The following AGBL1 variants were observed in gnomAD, a reference collection of about 807,000 sequenced individuals.
The protein encoded by AGBL1 is AGBL carboxypeptidase 1, also known as cytosolic carboxypeptidase 4.
A neutral mutation model predicts 118.9 loss-of-function variants in AGBL1; 130 were observed. That is an observed-to-expected ratio of 1.09 (90% CI 0.95 to 1.26). The LOEUF (loss-of-function observed/expected upper bound fraction) is 1.26, where lower values mean the gene tolerates loss of function less well. AGBL1 is among the 50% of genes most tolerant of loss of function. The pLI, the probability that AGBL1 is intolerant of heterozygous loss-of-function variation, is 0.00. For synonymous variants in AGBL1, 555 were observed against 478.9 expected, an observed-to-expected ratio of 1.16 and a Z score of -2.08; for missense variants, 1,584 against 1,298.1, an observed-to-expected ratio of 1.22 and a Z score of -3.38.
intron 6 of AGBL1, among the ~76,000 whole-genome samples, chr15:86,233,126 C>G (rs2078483261): frequency 6.6e-6 from 1 of 152,178 alleles, no homozygotes; most frequent in Non-Finnish European, 1.5e-5. Flanking sequence ...AAAATTTGAA[C>G]TCAGTTGTGA....
Position 86,908,587 on chromosome 15 carries a change from C to T in AGBL1, c.*1293C>T, listed in dbSNP as rs1445782764. On this transcript the variant is annotated 3_prime_UTR_variant, in exon 23 of 23. Coordinates refer to ENST00000614907, the MANE Select transcript of AGBL1 (RefSeq NM_001386094.1). ...ACATGGTAGGAAATAGGCCCTCTTA[C>T]TGGAAGGGAGCTGGGAAGGAGATTA... 1.3e-5 allele frequency: 2 copies of T among 152,128 alleles called. No homozygotes were observed. Among genetic ancestry groups the T allele is most frequent in the African/African-American group, 2.4e-5 (1 of 41,402 alleles). 9.4% of individuals were successfully genotyped at this position (152,128 alleles called of 1,614,324 possible).
intron 17 of AGBL1, among the ~76,000 whole-genome samples, chr15:86,325,158 A>G (rs529998312): frequency 6.6e-6 from 1 of 152,316 alleles, no homozygotes; most frequent in East Asian, 1.9e-4. Flanking sequence ...CTAGAAGACT[A>G]GAGAGAGAGG....
rs962482340 is a variant in AGBL1, at chr15:86,733,239, G to T, written c.3158+58803G>T. ...AGCCTGAGAACTGGGGATAAGGGGT[G>T]GGGGTAGAGCTTGCTCCTGCACAGA... On this transcript the variant is annotated intron_variant, in intron 22 of 22. Transcript: ENST00000614907. Among the ~76,000 whole-genome samples, 4 of 152,060 alleles carry T rather than the reference G, an allele frequency of 2.6e-5. No individual in the cohort carries two copies. In the East Asian group the frequency reaches 7.7e-4, roughly 29 times the overall value.
chr15:86,917,389 A>G (rs1223654478), downstream of AGBL1, among the ~76,000 whole-genome samples: 2 of 152,182 alleles, frequency 1.3e-5, no homozygotes, highest in African/African-American at 2.4e-5. The surrounding 1 kb of genome is among the most constrained non-coding windows in gnomAD (Gnocchi z 4.8). Context: ...GCACACACTC[A>G]GGATTTCAAT....
chr15:86,165,652 G>T (rs1360205781), intron 5 of AGBL1, among the ~76,000 whole-genome samples: 3 of 152,056 alleles, frequency 2.0e-5, no homozygotes, highest in Non-Finnish European at 4.4e-5. Context: ...CCAACTAACG[G>T]CTTCATGATT....
chr15:86,444,713 G>A (rs2082101200), intron 18 of AGBL1, among the ~76,000 whole-genome samples: 1 of 152,124 alleles, frequency 6.6e-6, no homozygotes, highest in African/African-American at 2.4e-5. Context: ...GTCAGCACCA[G>A]GGCCAGCACC....
At chr15:86,278,159 G>A (rs1250760981) in intron 15 of AGBL1, among the ~76,000 whole-genome samples, 1 of 152,192 alleles carries the variant, frequency 6.6e-6, no homozygotes, top group African/African-American at 2.4e-5. Flanking sequence ...ATCTGGCAAA[G>A]TAGACCTAAT....
chr15:86,424,691 A>G (rs1300097768), intron 18 of AGBL1, among the ~76,000 whole-genome samples: 1 of 152,142 alleles, frequency 6.6e-6, no homozygotes, highest in Non-Finnish European at 1.5e-5. Flanking sequence ...CAAATTTACA[A>G]TTGAAAAAAC....
chr15:86,801,079 A>C (rs1457711369), intron 22 of AGBL1, among the ~76,000 whole-genome samples: 2 of 152,076 alleles, frequency 1.3e-5, no homozygotes, highest in Non-Finnish European at 2.9e-5. Context: ...ACTCGAACTT[A>C]CATGTATAAC....
intron 18 of AGBL1, among the ~76,000 whole-genome samples, chr15:86,405,571 G>T (rs2081513984): frequency 6.6e-6 from 1 of 152,104 alleles, no homozygotes; most frequent in African/African-American, 2.4e-5. Flanking sequence ...GATTGGTTAA[G>T]GGGAAAAGTG....
intron 13 of AGBL1, among the ~76,000 whole-genome samples, chr15:86,267,485 C>T (rs2079093131): frequency 6.6e-6 from 1 of 152,178 alleles, no homozygotes; most frequent in Non-Finnish European, 1.5e-5. Context: ...GCTATTCCTG[C>T]ACTTCTCTAT....
At chr15:86,929,715 T>C (rs1052283705) in intron 23 of AGBL1, among the ~76,000 whole-genome samples, 1 of 152,350 alleles carries the variant, frequency 6.6e-6, no homozygotes, top group South Asian at 2.1e-4. Context: ...GAATCCGGGC[T>C]TTCCAGAGAG....
chr15:86,974,531 AAT>A (rs1596694645), intron 23 of AGBL1, among the ~76,000 whole-genome samples: 1 of 137,636 alleles, frequency 7.3e-6, no homozygotes, highest in African/African-American at 2.7e-5. Flanking sequence ...ATATATATTA[AAT>A]ATATAAAAAT....
intron 18 of AGBL1, among the ~76,000 whole-genome samples, chr15:86,476,986 T>A (rs4383108): frequency 6.6e-6 from 1 of 151,936 alleles, no homozygotes; most frequent in African/African-American, 2.4e-5. Context: ...TGACTACTGG[T>A]TACATAATGA....
chr15:86,453,821 A>G (rs1377857523), intron 18 of AGBL1, among the ~76,000 whole-genome samples: 1 of 152,234 alleles, frequency 6.6e-6, no homozygotes, highest in Non-Finnish European at 1.5e-5. Flanking sequence ...CATTGGAAAA[A>G]AAATAGATTT....
chr15:86,937,029 G>T (rs1002016695), intron 23 of AGBL1, among the ~76,000 whole-genome samples: 18 of 152,182 alleles, frequency 1.2e-4, no homozygotes, highest in African/African-American at 3.9e-4. Flanking sequence ...AGACATACAT[G>T]CAGCCAACAA....
chr15:86,365,056 T>TACACAC (rs1455731324), intron 17 of AGBL1, among the ~76,000 whole-genome samples: 3 of 146,516 alleles, frequency 2.0e-5, no homozygotes, highest in African/African-American at 7.7e-5. Flanking sequence ...CACATATATA[T>TACACAC]ACACATATAT....
At chr15:86,224,388 A>G (rs934587725) in intron 5 of AGBL1, among the ~76,000 whole-genome samples, 12 of 152,134 alleles carry the variant, frequency 7.9e-5, no homozygotes, top group African/African-American at 2.4e-4. Flanking sequence ...AAATCCCAAC[A>G]TAACTATTTT....
At chr15:86,272,881 T>C (rs1027595616) in intron 15 of AGBL1, among the ~76,000 whole-genome samples, 2 of 152,176 alleles carry the variant, frequency 1.3e-5, no homozygotes, top group African/African-American at 4.8e-5. Flanking sequence ...GCAACTACTC[T>C]CTGGCTCACC....
Sources: allele counts gnomAD v4.1 joint callset (sites outside exome capture counted in the v4.1 genomes callset), GRCh38; gene constraint gnomAD v4.1.1; non-coding constraint Gnocchi (gnomAD v3.1); transcripts MANE v1.5; gene names NCBI Gene and HGNC (gene_info 2026-07-23, HGNC 2026-07-21).